The following PLCB1 variants were observed in gnomAD, a reference collection of about 807,000 sequenced individuals.
The protein encoded by PLCB1 is 1-phosphatidylinositol 4,5-bisphosphate phosphodiesterase beta-1.
PLCB1 carries 46 observed loss-of-function variants against 161.8 expected under a neutral mutation model. That is an observed-to-expected ratio of 0.28 (90% CI 0.22 to 0.36). The LOEUF is 0.36. PLCB1 is among the 10% of genes least tolerant of loss of function. The probability of loss-of-function intolerance (pLI) is 1.00; values close to 1 mark genes in which losing one functional copy is unlikely to be tolerated. For missense variants in PLCB1, 1,016 were observed against 1,472.5 expected (o/e 0.69, Z 5.07); for synonymous variants, 517 against 503.7 (o/e 1.03, Z -0.35).
intron 2 of PLCB1, among the ~76,000 whole-genome samples, chr20:8,160,994 G>A (rs2051616055): frequency 6.6e-6 from 1 of 152,098 alleles, no homozygotes. Context: ...ATCTAGCAAA[G>A]TATGTAATAT....
intron 3 of PLCB1, among the ~76,000 whole-genome samples, chr20:8,565,149 A>G (rs1257953866): frequency 6.6e-6 from 1 of 152,200 alleles, no homozygotes. Flanking sequence ...ATGAAATACT[A>G]TGCAGCCATA....
Position 8,841,136 on chromosome 20 carries a change from C to A in PLCB1, c.3424-40486C>A, listed in dbSNP as rs564993403. Among the ~76,000 whole-genome samples, 14 of 152,234 alleles carry A rather than the reference C, an allele frequency of 9.2e-5. 1 individual carries two copies. In the East Asian group the frequency reaches 2.7e-3, roughly 29 times the overall value. ...TATAGCTGTGAGCCACTGCACCCAG[C>A]CATCAGCTTTTATTTCATATGCATG... On this transcript the variant is annotated intron_variant, in intron 31 of 31. Coordinates refer to ENST00000338037, the MANE Select transcript of PLCB1 (RefSeq NM_015192.4).
intron 3 of PLCB1, among the ~76,000 whole-genome samples, chr20:8,546,587 C>T (rs1006345265): frequency 1.3e-5 from 2 of 152,022 alleles, no homozygotes; most frequent in Admixed American, 6.6e-5. Context: ...TGTAATGCAA[C>T]CTGTGTTTCT....
intron 3 of PLCB1, chr20:8,625,224 A>C (rs1211477475): frequency 2.6e-5 from 4 of 152,114 alleles, no homozygotes; most frequent in African/African-American, 9.7e-5. Flanking sequence ...GTCCTCTAAA[A>C]ACTTGATGCA....
chr20:8,374,795 C>A (rs1600353448), intron 3 of PLCB1, among the ~76,000 whole-genome samples: 1 of 152,208 alleles, frequency 6.6e-6, no homozygotes, highest in South Asian at 2.1e-4. Flanking sequence ...TCTGCGGGGG[C>A]TTATAGACCA....
At chr20:8,701,439 G>A (rs1279109922) in intron 11 of PLCB1, among the ~76,000 whole-genome samples, 1 of 152,202 alleles carries the variant, frequency 6.6e-6, no homozygotes, top group South Asian at 2.1e-4. Context: ...CACCTTCTCA[G>A]TGAGGCCTCC....
chr20:8,632,034 GCTTTTTTTTTTT>G (rs756086061), intron 4 of PLCB1, among the ~76,000 whole-genome samples: 23 of 81,760 alleles, frequency 2.8e-4, no homozygotes, highest in African/African-American at 6.5e-4. Flanking sequence ...GGTTTTTTTT[GCTTTTTTTTTTT>G]TTTTTTTTTT....
intron 1 of PLCB1, among the ~76,000 whole-genome samples, chr20:8,141,621 C>T (rs1216501758): frequency 3.7e-5 from 4 of 108,350 alleles, no homozygotes; most frequent in Non-Finnish European, 7.0e-5. Context: ...AGCGATACTC[C>T]GAAAAAAAAA....
intron 9 of PLCB1, among the ~76,000 whole-genome samples, chr20:8,662,091 A>ATTAT (rs1989660464): frequency 8.2e-3 from 4 of 490 alleles, no homozygotes; most frequent in Non-Finnish European, 0.059. Context: ...TTATATAATA[A>ATTAT]ATAATTATAT....
intron 2 of PLCB1, among the ~76,000 whole-genome samples, chr20:8,208,398 G>A (rs777462266): frequency 2.9e-4 from 44 of 152,236 alleles, no homozygotes; most frequent in Middle Eastern, 3.4e-3. Flanking sequence ...GCTGGTGATG[G>A]AAGGGGAAGG....
chr20:8,190,012 G>A (rs934184939), intron 2 of PLCB1, among the ~76,000 whole-genome samples: 1 of 152,078 alleles, frequency 6.6e-6, no homozygotes, highest in Non-Finnish European at 1.5e-5. Context: ...AGCAAGTCTT[G>A]AATTAATGGC....
chr20:8,518,317 G>A (rs1984218622), intron 3 of PLCB1, among the ~76,000 whole-genome samples: 1 of 152,066 alleles, frequency 6.6e-6, no homozygotes, highest in Non-Finnish European at 1.5e-5. Context: ...GAGTTTGATT[G>A]TCACCTTTTC....
intron 4 of PLCB1, among the ~76,000 whole-genome samples, chr20:8,632,013 A>T (rs2123232004): frequency 7.0e-6 from 1 of 143,230 alleles, no homozygotes; most frequent in East Asian, 2.3e-4. Context: ...CTCCTGGAGG[A>T]GACAAATATG....
intron 3 of PLCB1, among the ~76,000 whole-genome samples, chr20:8,530,708 C>A (rs1984779973): frequency 6.6e-6 from 1 of 152,054 alleles, no homozygotes; most frequent in African/African-American, 2.4e-5. Context: ...TATGTCTTTA[C>A]TGTTGGCCTA....
At chr20:8,817,718 C>T (rs1308489814) in intron 31 of PLCB1, among the ~76,000 whole-genome samples, 1 of 152,052 alleles carries the variant, frequency 6.6e-6, no homozygotes, top group Admixed American at 6.6e-5. Flanking sequence ...TGAAAGCAAT[C>T]ACAATGAATA....
At chr20:8,871,029 A>G (rs1987590877) in intron 31 of PLCB1, among the ~76,000 whole-genome samples, 1 of 152,160 alleles carries the variant, frequency 6.6e-6, no homozygotes. Flanking sequence ...CTGAATCAGA[A>G]TTTGCATCTT....
At chr20:8,326,902 T>C (rs1043552916) in intron 2 of PLCB1, among the ~76,000 whole-genome samples, 1 of 152,182 alleles carries the variant, frequency 6.6e-6, no homozygotes. Flanking sequence ...TGTTTTTTGT[T>C]TGAGACAGGG....
chr20:8,404,096 T>C (rs933156354), intron 3 of PLCB1, among the ~76,000 whole-genome samples: 1 of 152,194 alleles, frequency 6.6e-6, no homozygotes, highest in Non-Finnish European at 1.5e-5. Flanking sequence ...GTGACTGATT[T>C]TATAGCAATT....
intron 3 of PLCB1, among the ~76,000 whole-genome samples, chr20:8,620,104 C>A (rs1361195067): frequency 6.6e-6 from 1 of 152,146 alleles, no homozygotes; most frequent in Non-Finnish European, 1.5e-5. Context: ...GCCTGGTCAC[C>A]TTACAGCATT....
Sources: gnomAD v4.1 joint callset for allele counts (sites outside exome capture counted in the v4.1 genomes callset) on GRCh38, gnomAD v4.1.1 for gene constraint, MANE v1.5 for transcripts, NCBI Gene and HGNC (gene_info 2026-07-23, HGNC 2026-07-21) for gene names.